Variants in GLUD1 observed in about 807,000 individuals in gnomAD.
GLUD1 encodes glutamate dehydrogenase 1, also known as glutamate dehydrogenase 1, mitochondrial.
In GLUD1, 22 loss-of-function variants were observed where a neutral mutation model predicts 56.0. The ratio of observed to expected loss-of-function variants is 0.39; its 90% CI spans 0.28 to 0.56. The LOEUF (loss-of-function observed/expected upper bound fraction) is 0.56, where lower values mean the gene tolerates loss of function less well. Ranked by LOEUF, GLUD1 falls within the 20% of genes least tolerant of loss-of-function variation. The pLI is 0.58. For synonymous variants in GLUD1, 223 were observed against 269.9 expected (o/e 0.83, Z 1.70); for missense variants, 451 against 732.0 (o/e 0.62, Z 4.43).
intron 5 of GLUD1, among the ~76,000 whole-genome samples, chr10:87,066,485 C>A (rs924000991): frequency 6.6e-6 from 1 of 152,194 alleles, no homozygotes; most frequent in African/African-American, 2.4e-5. Context: ...ACTCTGGCCA[C>A]AGTAGTCAGT....
intron 12 of GLUD1, among the ~76,000 whole-genome samples, chr10:87,052,999 T>C (rs1438894545): frequency 1.3e-5 from 2 of 152,152 alleles, no homozygotes; most frequent in African/African-American, 4.8e-5. Context: ...GTTTTGCTTA[T>C]ACCAAATTCT....
intron 1 of GLUD1, chr10:87,093,948 C>T (rs1463699947): frequency 2.9e-6 from 4 of 1,374,080 alleles, no homozygotes; most frequent in Admixed American, 2.2e-5. Context: ...CCCAAGAACA[C>T]TGACGAGGCA....
intron 11 of GLUD1, among the ~76,000 whole-genome samples, chr10:87,056,130 A>AAAAAAAAAAACAAAACAAAAC (rs1564762497): frequency 4.7e-5 from 7 of 147,424 alleles, no homozygotes; most frequent in African/African-American, 1.7e-4. Context: ...AAAAAAAAAA[A>AAAAAAAAAAACAAAACAAAAC]AAAAAAAAAA....
chr10:87,091,558 T>C (rs1841510494), intron 1 of GLUD1: 1 of 889,276 alleles, frequency 1.1e-6, no homozygotes, highest in African/African-American at 1.8e-5. Flanking sequence ...TCCCTTCAGA[T>C]CCTTTAGCTT....
In GLUD1 at chr10:87,054,985, T is replaced by C. The variant is rs181232381; in HGVS notation, c.1495-1581A>G. Among the ~76,000 whole-genome samples, 254 of 152,304 alleles carry C rather than the reference T, an allele frequency of 1.7e-3. 3 individuals are homozygous for C. The East Asian group carries it at 0.021, about 12-fold the overall frequency. ...TGCATCAGTTTTATCTGTGAACAGATAGCAGGTCATGAGCTGGAATGCAGG... is the reference window on the plus strand; with the variant it reads ...TGCATCAGTTTTATCTGTGAACAGACAGCAGGTCATGAGCTGGAATGCAGG... On this transcript the variant is annotated intron_variant, in intron 11 of 12. Coordinates refer to ENST00000277865, the MANE Select transcript of GLUD1 (RefSeq NM_005271.5).
chr10:87,086,787 C>T lies in GLUD1; in HGVS notation c.445+7538G>A, dbSNP rs7069518. On this transcript the variant is annotated intron_variant, in intron 1 of 12. Transcript: ENST00000277865. ...CGGAGCTTGCAGTAAGCCAAGATCG[C>T]GCCACTGCACTCCAGCCTGGGAGAC... is the stretch of plus-strand genomic sequence containing the variant. Among the ~76,000 whole-genome samples the T allele has an allele frequency of 5.6e-3, 833 of 148,014 alleles. 12 individuals carry two copies. Among genetic ancestry groups the T allele is most frequent in the African/African-American group, 0.02 (792 of 39,904 alleles).
At chr10:87,069,739 T>C (rs1213077581) in intron 4 of GLUD1, among the ~76,000 whole-genome samples, 1 of 152,160 alleles carries the variant, frequency 6.6e-6, no homozygotes, top group Non-Finnish European at 1.5e-5. Context: ...TAAGATAACT[T>C]TGAAATGGTC....
intron 1 of GLUD1, among the ~76,000 whole-genome samples, chr10:87,092,348 T>C (rs1275920810): frequency 1.3e-5 from 2 of 152,260 alleles, no homozygotes; most frequent in East Asian, 1.9e-4. Context: ...TTTGATGTTC[T>C]ATCAATGCTT....
Position 87,060,759 on chromosome 10 carries a change from A to T in GLUD1, c.1126T>A (p.Cys376Ser). Residue 376 changes from cysteine (C) to serine (S), a missense_variant, in exon 8 of 13, where the codon TGT becomes AGT. Cys to Ser is a moderately radical substitution (Grantham distance 112). Around this residue, in one of 4 missense-constraint regions of GLUD1, gnomAD observed 248 missense variants for 460.0 expected, o/e 0.54. Transcript: ENST00000277865. Reference protein sequence around the residue: ...PYEGSILEADCDILIPAASEK... With the variant: ...PYEGSILEADSDILIPAASEK... ...CTGGCAGCTGGGATCAGTATGTCAC[A>T]GTCGGCCTCCAAGATGCTTCCTTCA... The T allele has an allele frequency of 4.3e-6, 7 of 1,614,204 alleles. No individual in the cohort carries two copies. Among genetic ancestry groups the T allele is most frequent in the Non-Finnish European group, 5.1e-6 (6 of 1,180,034 alleles).
chr10:87,079,824 G>T (rs549490260), intron 1 of GLUD1, among the ~76,000 whole-genome samples: 1 of 152,140 alleles, frequency 6.6e-6, no homozygotes, highest in East Asian at 1.9e-4. Context: ...ATAAACCTTG[G>T]TTTCATTACT....
intron 5 of GLUD1, among the ~76,000 whole-genome samples, chr10:87,064,077 TAGTAG>T (rs1053933051): frequency 1.4e-4 from 21 of 152,126 alleles, no homozygotes; most frequent in African/African-American, 4.8e-4. Flanking sequence ...ATGGGGTATT[TAGTAG>T]AGTAGAGTAT....
chr10:87,087,884 C>A (rs950451796), intron 1 of GLUD1, among the ~76,000 whole-genome samples: 3 of 152,060 alleles, frequency 2.0e-5, no homozygotes, highest in African/African-American at 4.8e-5. Context: ...AGTTCGAGAC[C>A]AGCCTGACCA....
Position 87,059,293 on chromosome 10 carries a change from A to G in GLUD1, c.1279-20T>C. 4 of 1,612,530 alleles carry G rather than the reference A, an allele frequency of 2.5e-6. No homozygotes were observed. The highest frequency in any genetic ancestry group is 3.4e-6 in the Non-Finnish European group (4 of 1,178,542). On this transcript the variant is annotated intron_variant, in intron 9 of 12. Coordinates refer to ENST00000277865, the MANE Select transcript of GLUD1 (RefSeq NM_005271.5). ...GAGATCCTATGCACAAAAATAAGACAAAGAAATTAGAAGATGATGGTTTTC... is the reference window on the plus strand; with the variant it reads ...GAGATCCTATGCACAAAAATAAGACGAAGAAATTAGAAGATGATGGTTTTC...
In GLUD1 at chr10:87,082,836, CAGA is replaced by C. The variant is rs1241140549; in HGVS notation, c.446-6183_446-6181del. On this transcript the variant is annotated intron_variant, in intron 1 of 12. Coordinates refer to ENST00000277865, the MANE Select transcript of GLUD1 (RefSeq NM_005271.5). ...CAATAAGACACAATGTACCCACACACAGAAGAAGCCAGTTACTCTTCCTTCTCT... is the reference window on the plus strand; with the variant it reads ...CAATAAGACACAATGTACCCACACACAGAAGCCAGTTACTCTTCCTTCTCT... Among the ~76,000 whole-genome samples the C allele has an allele frequency of 2.0e-5, 3 of 152,340 alleles. No homozygotes were observed. The East Asian group carries it at 5.8e-4, about 29-fold the overall frequency.
chr10:87,081,340 A>G (rs76308739), intron 1 of GLUD1, among the ~76,000 whole-genome samples: 8 of 106,442 alleles, frequency 7.5e-5, no homozygotes, highest in East Asian at 3.0e-4. Context: ...TCAGCCCCCC[A>G]CCCAGCCAGC....
intron 11 of GLUD1, among the ~76,000 whole-genome samples, chr10:87,056,828 TAAAA>T (rs546180802): frequency 6.9e-6 from 1 of 145,450 alleles, no homozygotes; most frequent in Non-Finnish European, 1.5e-5. Context: ...GTTAATACAT[TAAAA>T]AAAAAAAACT....
At chr10:87,053,425 A>G (rs1306005454) in intron 11 of GLUD1, 21 bp from the exon 12 acceptor site, 1 of 1,536,726 alleles carries the variant, frequency 6.5e-7, no homozygotes, top group Non-Finnish European at 9.0e-7. Flanking sequence ...AAAGAACACA[A>G]GTTTAACAAA....
Position 87,094,305 on chromosome 10 carries a change from G to C in GLUD1, c.445+20C>G. ...GCAGGGGAGGCAGGGAGGGCGGGAC[G>C]GGGCCCGGCCGACGCTCACCTCCCT... is the stretch of plus-strand genomic sequence containing the variant. On this transcript the variant is annotated intron_variant, in intron 1 of 12. Coordinates refer to ENST00000277865, the MANE Select transcript of GLUD1 (RefSeq NM_005271.5). The surrounding 1 kb of genome is among the most constrained non-coding windows in gnomAD (Gnocchi z 6.6). 2 of 1,588,312 alleles carry C rather than the reference G, an allele frequency of 1.3e-6. No homozygotes were observed. The highest frequency in any genetic ancestry group is 1.1e-5 in the South Asian group (1 of 88,630).
intron 6 of GLUD1, 29 bp from the exon 7 acceptor site, chr10:87,061,081 A>G: frequency 6.2e-7 from 1 of 1,603,660 alleles, no homozygotes; most frequent in Non-Finnish European, 8.5e-7. Context: ...CATAACACAA[A>G]AATTAAAGTC....
Sources: gnomAD v4.1 joint callset for allele counts (sites outside exome capture counted in the v4.1 genomes callset) on GRCh38, gnomAD v4.1.1 for gene constraint, gnomAD v4.1.1 regional missense constraint, Gnocchi (gnomAD v3.1) non-coding constraint, MANE v1.5 for transcripts, NCBI Gene and HGNC (gene_info 2026-07-23, HGNC 2026-07-21) for gene names.